OPCML: variants seen among roughly 807,000 people sequenced by gnomAD.
OPCML encodes the protein opioid-binding protein/cell adhesion molecule.
A neutral mutation model predicts 37.8 loss-of-function variants in OPCML; 13 were observed. The observed-to-expected ratio is 0.34, with a 90% CI of 0.22 to 0.55. The LOEUF is 0.55. Ranked by LOEUF, OPCML falls within the 20% of genes least tolerant of loss-of-function variation. The probability of loss-of-function intolerance (pLI) is 0.91; values close to 1 mark genes in which losing one functional copy is unlikely to be tolerated. For synonymous variants in OPCML, 176 were observed against 168.8 expected (o/e 1.04, Z -0.33); for missense variants, 341 against 435.6 (o/e 0.78, Z 1.93).
intron 1 of OPCML, among the ~76,000 whole-genome samples, chr11:133,505,585 A>T (rs540481451): frequency 6.6e-6 from 1 of 152,258 alleles, no homozygotes; most frequent in East Asian, 1.9e-4. Flanking sequence ...TTCATCCCAG[A>T]AACCTGGTCT....
At chr11:133,526,506 T>A (rs898658505) in intron 1 of OPCML, among the ~76,000 whole-genome samples, 1 of 152,190 alleles carries the variant, frequency 6.6e-6, no homozygotes, top group African/African-American at 2.4e-5. Context: ...TATGTTCACA[T>A]GCTTAGAGGA....
chr11:132,492,415 G>A (rs777943311), intron 4 of OPCML, among the ~76,000 whole-genome samples: 2 of 152,140 alleles, frequency 1.3e-5, no homozygotes, highest in African/African-American at 4.8e-5. Flanking sequence ...ATCTGCTGAT[G>A]TATGGGGTAT....
At chr11:133,281,418 A>G (rs1942151743) in intron 1 of OPCML, among the ~76,000 whole-genome samples, 1 of 152,116 alleles carries the variant, frequency 6.6e-6, no homozygotes, top group South Asian at 2.1e-4. Context: ...GCCATGTGAC[A>G]TGCTGGGTCC....
At chr11:132,885,100 C>G (rs1028207874) in intron 2 of OPCML, among the ~76,000 whole-genome samples, 1 of 152,204 alleles carries the variant, frequency 6.6e-6, no homozygotes, top group Non-Finnish European at 1.5e-5. Flanking sequence ...ACCAATGAGC[C>G]ACGAATGCAC....
chr11:132,669,790 C>T (rs1942382284), intron 2 of OPCML, among the ~76,000 whole-genome samples: 1 of 152,248 alleles, frequency 6.6e-6, no homozygotes, highest in African/African-American at 2.4e-5. Flanking sequence ...GCCCCATTTT[C>T]CATCTTTCCC....
intron 1 of OPCML, among the ~76,000 whole-genome samples, chr11:133,036,957 A>G (rs915193853): frequency 1.3e-5 from 2 of 152,064 alleles, no homozygotes; most frequent in Admixed American, 1.3e-4. Flanking sequence ...GCTCTGCAGG[A>G]GCTCCAAGAC....
Position 132,932,269 on chromosome 11 carries a change from C to T in OPCML, c.146+10657G>A, listed in dbSNP as rs117731026. 4.4e-3 allele frequency among the ~76,000 whole-genome samples: 668 copies of T among 152,144 alleles called. 2 individuals carry two copies. The highest frequency in any genetic ancestry group is 7.1e-3 in the Non-Finnish European group (485 of 68,008). On this transcript the variant is annotated intron_variant, in intron 2 of 7. Coordinates refer to ENST00000524381, the MANE Select transcript of OPCML (RefSeq NM_001012393.5). ...CACAGCAACGTGAATGTACTTAATG[C>T]CACCGAACTGTATATTTAAAATTGG...
rs970940727 is a variant in OPCML, at chr11:133,205,255, G to A, written c.62-262245C>T. 6.6e-6 allele frequency among the ~76,000 whole-genome samples: 1 copy of A among 152,098 alleles called. No homozygotes were observed. Among genetic ancestry groups the A allele is most frequent in the African/African-American group, 2.4e-5 (1 of 41,420 alleles). ...GCTTCTGGTTGCTGAACACTGGTAG[G>A]TTCCTTGAGGGTGGTGCTCTGGAAG... On this transcript the variant is annotated intron_variant, in intron 1 of 7. Transcript: ENST00000524381. The surrounding 1 kb of genome is among the most constrained non-coding windows in gnomAD (Gnocchi z 4.8).
chr11:132,676,778 AAAAC>A (rs1942723999), intron 2 of OPCML, among the ~76,000 whole-genome samples: 1 of 149,330 alleles, frequency 6.7e-6, no homozygotes, highest in African/African-American at 2.5e-5. Context: ...AGAAAGAAAG[AAAAC>A]AAACAAGAAA....
intron 1 of OPCML, among the ~76,000 whole-genome samples, chr11:133,214,451 C>T (rs1261073004): frequency 6.6e-6 from 1 of 152,136 alleles, no homozygotes; most frequent in Non-Finnish European, 1.5e-5. Context: ...ATTTAGCTTT[C>T]ACTGAAACTC....
At chr11:133,493,631 T>G (rs1162779132) in intron 1 of OPCML, among the ~76,000 whole-genome samples, 1 of 152,040 alleles carries the variant, frequency 6.6e-6, no homozygotes, top group African/African-American at 2.4e-5. Context: ...AAAAAAAAAA[T>G]AAGCATGCAT....
chr11:133,390,172 C>T (rs1457777871), intron 1 of OPCML, among the ~76,000 whole-genome samples: 2 of 152,182 alleles, frequency 1.3e-5, no homozygotes, highest in African/African-American at 4.8e-5. Context: ...TAAGAGGTAG[C>T]TACAGGCCGA....
intron 1 of OPCML, among the ~76,000 whole-genome samples, chr11:133,105,691 GAA>G (rs1293717291): frequency 5.3e-5 from 8 of 152,154 alleles, no homozygotes; most frequent in Admixed American, 2.0e-4. Context: ...GGTTGCAAAA[GAA>G]AAAGAGGCTG....
intron 4 of OPCML, among the ~76,000 whole-genome samples, chr11:132,493,708 T>C (rs2137081512): frequency 6.6e-6 from 1 of 152,344 alleles, no homozygotes; most frequent in South Asian, 2.1e-4. Flanking sequence ...TTGCCAATTT[T>C]GAAGAGCCTT....
chr11:133,502,128 A>C (rs1947928535), intron 1 of OPCML, among the ~76,000 whole-genome samples: 1 of 152,142 alleles, frequency 6.6e-6, no homozygotes, highest in African/African-American at 2.4e-5. Context: ...GGCAGAAAAG[A>C]AGCTGGCACA....
intron 1 of OPCML, among the ~76,000 whole-genome samples, chr11:133,485,461 G>T (rs990034089): frequency 3.3e-5 from 5 of 152,124 alleles, no homozygotes; most frequent in Non-Finnish European, 7.4e-5. Context: ...TTTCACTGGT[G>T]ATCTAGATTC....
At chr11:132,842,781 A>G (rs1422143924) in intron 2 of OPCML, among the ~76,000 whole-genome samples, 1 of 152,174 alleles carries the variant, frequency 6.6e-6, no homozygotes, top group Non-Finnish European at 1.5e-5. Context: ...GACACACTTA[A>G]AGCTGAATCC....
chr11:133,281,028 G>A (rs1942137378), intron 1 of OPCML, among the ~76,000 whole-genome samples: 1 of 152,168 alleles, frequency 6.6e-6, no homozygotes, highest in East Asian at 1.9e-4. Flanking sequence ...CAGAGGCACT[G>A]GAGAAATTGT....
At chr11:133,341,921 G>A (rs77796722) in intron 1 of OPCML, among the ~76,000 whole-genome samples, 3,943 of 147,054 alleles carry the variant, frequency 0.027, 76 homozygotes, top group Non-Finnish European at 0.041. Flanking sequence ...CCATTTTGGG[G>A]AAAAAAAAAA....
Sources: allele counts gnomAD v4.1 joint callset (sites outside exome capture counted in the v4.1 genomes callset), GRCh38; gene constraint gnomAD v4.1.1; non-coding constraint Gnocchi (gnomAD v3.1); transcripts MANE v1.5; gene names NCBI Gene and HGNC (gene_info 2026-07-23, HGNC 2026-07-21).